Variants in KCNIP4 observed in about 807,000 individuals in gnomAD.
KCNIP4 encodes the protein Kv channel-interacting protein 4.
A neutral mutation model predicts 34.0 loss-of-function variants in KCNIP4; 12 were observed. The ratio of observed to expected loss-of-function variants is 0.35; its 90% confidence interval spans 0.23 to 0.57. KCNIP4 has a LOEUF of 0.57. Among genes scored for constraint, KCNIP4 ranks in the 20% least tolerant of loss-of-function variants. The pLI is 0.83. For missense variants in KCNIP4, 238 were observed against 311.7 expected, an observed-to-expected ratio of 0.76 and a Z score of 1.78; for synonymous variants, 124 against 102.2, an observed-to-expected ratio of 1.21 and a Z score of -1.29.
chr4:21,540,036 CA>C (rs1430274906), intron 1 of KCNIP4, among the ~76,000 whole-genome samples: 1 of 150,884 alleles, frequency 6.6e-6, no homozygotes, highest in Non-Finnish European at 1.5e-5. Flanking sequence ...TGCTTATTTA[CA>C]CAAGCTCAAA....
intron 1 of KCNIP4, among the ~76,000 whole-genome samples, chr4:21,004,914 A>T (rs1400272884): frequency 1.3e-5 from 2 of 151,986 alleles, no homozygotes; most frequent in African/African-American, 4.8e-5. Flanking sequence ...CAAGCATGAC[A>T]TATAAACATA....
chr4:20,735,226 C>G (rs1220693499), intron 5 of KCNIP4, among the ~76,000 whole-genome samples: 1 of 152,156 alleles, frequency 6.6e-6, no homozygotes, highest in East Asian at 1.9e-4. Flanking sequence ...GAGCATGGAA[C>G]TGGAAAGGAC....
intron 1 of KCNIP4, among the ~76,000 whole-genome samples, chr4:21,495,357 C>T (rs1031736855): frequency 2.0e-5 from 3 of 152,176 alleles, no homozygotes; most frequent in East Asian, 3.9e-4. Context: ...TGGACCACCC[C>T]ACTTTGACAG....
intron 1 of KCNIP4, among the ~76,000 whole-genome samples, chr4:21,686,303 T>C (rs1324379173): frequency 5.3e-5 from 8 of 152,172 alleles, no homozygotes; most frequent in Non-Finnish European, 8.8e-5. Flanking sequence ...GGTAATACTT[T>C]ACTCAAAGCA....
chr4:21,076,240 A>G (rs1745475628), intron 1 of KCNIP4, among the ~76,000 whole-genome samples: 1 of 152,232 alleles, frequency 6.6e-6, no homozygotes, highest in South Asian at 2.1e-4. Flanking sequence ...AGTGTTTTCC[A>G]ACTTGATTCA....
chr4:20,952,372 C>T (rs1324247094), intron 1 of KCNIP4, among the ~76,000 whole-genome samples: 1 of 152,100 alleles, frequency 6.6e-6, no homozygotes, highest in Admixed American at 6.6e-5. Context: ...TTCATTATCT[C>T]AAAACTCCTT....
intron 1 of KCNIP4, among the ~76,000 whole-genome samples, chr4:21,241,098 T>C (rs1759780792): frequency 6.6e-6 from 1 of 152,120 alleles, no homozygotes; most frequent in Non-Finnish European, 1.5e-5. Flanking sequence ...CTAAAGAATA[T>C]TTAATGACAT....
At chr4:21,078,106 C>CT (rs762891753) in intron 1 of KCNIP4, among the ~76,000 whole-genome samples, 14 of 151,880 alleles carry the variant, frequency 9.2e-5, no homozygotes, top group Non-Finnish European at 1.8e-4. Flanking sequence ...AAGGACACCA[C>CT]TGAAAGGAAT....
At chr4:21,248,579 T>C (rs1437396439) in intron 1 of KCNIP4, among the ~76,000 whole-genome samples, 1 of 152,108 alleles carries the variant, frequency 6.6e-6, no homozygotes, top group Non-Finnish European at 1.5e-5. Flanking sequence ...TGTGAACTTA[T>C]GTCCTTTTTC....
At chr4:21,449,554 T>C (rs1728336086) in intron 1 of KCNIP4, among the ~76,000 whole-genome samples, 1 of 151,850 alleles carries the variant, frequency 6.6e-6, no homozygotes, top group Non-Finnish European at 1.5e-5. Flanking sequence ...ATGCTTTCTA[T>C]ATCCTCCCCT....
chr4:21,317,454 T>C (rs909593546), intron 1 of KCNIP4, among the ~76,000 whole-genome samples: 2 of 152,138 alleles, frequency 1.3e-5, no homozygotes, highest in Non-Finnish European at 2.9e-5. Context: ...TGAGCAAATA[T>C]CTATTTAAAT....
chr4:21,392,807 C>T (rs967867850), intron 1 of KCNIP4, among the ~76,000 whole-genome samples: 8 of 152,120 alleles, frequency 5.3e-5, no homozygotes, highest in Admixed American at 1.3e-4. Context: ...CTTTAAATGA[C>T]GGTCACTAAT....
chr4:21,023,146 C>T (rs970235591), intron 1 of KCNIP4, among the ~76,000 whole-genome samples: 38 of 151,980 alleles, frequency 2.5e-4, no homozygotes, highest in African/African-American at 8.5e-4. Flanking sequence ...AAAATGAATG[C>T]CTCAGGAAAG....
chr4:21,199,862 T>C (rs1756339182), intron 1 of KCNIP4, among the ~76,000 whole-genome samples: 1 of 151,158 alleles, frequency 6.6e-6, no homozygotes, highest in Non-Finnish European at 1.5e-5. Context: ...TATGCAGCCA[T>C]AAAAAAGGAG....
chr4:20,758,757 ACT>A, intron 4 of KCNIP4, 62 bp downstream of exon 4: 4 of 1,255,130 alleles, frequency 3.2e-6, no homozygotes, highest in Non-Finnish European at 4.6e-6. Flanking sequence ...GAAAAATTAA[ACT>A]CAACACTGCA....
At chr4:21,281,324 G>A (rs138044208) in intron 1 of KCNIP4, among the ~76,000 whole-genome samples, 2 of 152,116 alleles carry the variant, frequency 1.3e-5, no homozygotes, top group African/African-American at 4.8e-5. Flanking sequence ...CTGACCTCAG[G>A]TGATCCACCC....
chr4:21,428,063 T>A (rs760355018), intron 1 of KCNIP4, among the ~76,000 whole-genome samples: 1 of 152,184 alleles, frequency 6.6e-6, no homozygotes, highest in Non-Finnish European at 1.5e-5. Context: ...AAGGGAAATT[T>A]GATACAGTGC....
chr4:20,760,928 G>C (rs1344806189), intron 3 of KCNIP4, among the ~76,000 whole-genome samples: 1 of 152,204 alleles, frequency 6.6e-6, no homozygotes, highest in African/African-American at 2.4e-5. Context: ...GTTTGGTCAA[G>C]CATTATTCTG....
chr4:21,350,036 A>G (rs1428204588), intron 1 of KCNIP4, among the ~76,000 whole-genome samples: 1 of 152,148 alleles, frequency 6.6e-6, no homozygotes, highest in Non-Finnish European at 1.5e-5. Flanking sequence ...TTCTCTCAAT[A>G]ACATGTACCT....
Sources: gnomAD v4.1 joint callset for allele counts (sites outside exome capture counted in the v4.1 genomes callset) on GRCh38, gnomAD v4.1.1 for gene constraint, MANE v1.5 for transcripts, NCBI Gene and HGNC (gene_info 2026-07-23, HGNC 2026-07-21) for gene names.